PTPRD: variants seen among roughly 807,000 people sequenced by gnomAD.
PTPRD encodes protein tyrosine phosphatase receptor type D, also known as receptor-type tyrosine-protein phosphatase delta.
A neutral mutation model predicts 214.5 loss-of-function variants in PTPRD; 34 were observed. That is an observed-to-expected ratio of 0.16 (90% CI 0.12 to 0.21). PTPRD has a LOEUF of 0.21. Among genes scored for constraint, PTPRD ranks in the 10% least tolerant of loss-of-function variants. PTPRD has a pLI of 1.00. For synonymous variants in PTPRD, 1,128 were observed against 845.7 expected, an observed-to-expected ratio of 1.33 and a Z score of -5.79; for missense variants, 2,545 against 2,398.7, an observed-to-expected ratio of 1.06 and a Z score of -1.27.
intron 14 of PTPRD, among the ~76,000 whole-genome samples, chr9:8,620,364 C>T (rs555963663): frequency 6.6e-6 from 1 of 152,042 alleles, no homozygotes; most frequent in Non-Finnish European, 1.5e-5. Flanking sequence ...AACAAGACAG[C>T]ATGCCGCTCA....
intron 3 of PTPRD, among the ~76,000 whole-genome samples, chr9:10,305,856 G>C (rs1442672289): frequency 1.3e-5 from 2 of 152,084 alleles, no homozygotes; most frequent in African/African-American, 4.8e-5. Context: ...TTGTGGAAGA[G>C]AGTGTGGCGA....
intron 11 of PTPRD, among the ~76,000 whole-genome samples, chr9:8,753,737 A>G (rs955337476): frequency 6.6e-6 from 1 of 152,232 alleles, no homozygotes; most frequent in Non-Finnish European, 1.5e-5. Flanking sequence ...ATAAAACACT[A>G]AAAATGTAAC....
At chr9:10,233,014 T>G (rs2099616932) in intron 3 of PTPRD, among the ~76,000 whole-genome samples, 1 of 152,062 alleles carries the variant, frequency 6.6e-6, no homozygotes, top group Non-Finnish European at 1.5e-5. Context: ...ATCAGGAATG[T>G]GTCAAGGTCG....
At chr9:9,994,883 T>C (rs556594010) in intron 4 of PTPRD, among the ~76,000 whole-genome samples, 3 of 152,140 alleles carry the variant, frequency 2.0e-5, no homozygotes, top group Non-Finnish European at 4.4e-5. Context: ...GCATATTATA[T>C]ATAATGTTAA....
chr9:8,805,781 G>C (rs1347182189), intron 11 of PTPRD, among the ~76,000 whole-genome samples: 1 of 151,334 alleles, frequency 6.6e-6, no homozygotes, highest in Non-Finnish European at 1.5e-5. Flanking sequence ...GGATCATGAG[G>C]TCAGGAGATC....
At chr9:8,591,349 T>C (rs1187959605) in intron 14 of PTPRD, among the ~76,000 whole-genome samples, 3 of 152,162 alleles carry the variant, frequency 2.0e-5, no homozygotes, top group Non-Finnish European at 4.4e-5. Context: ...ATGAAAATCA[T>C]ATTTTGCTCC....
chr9:10,462,975 T>C (rs904127192), intron 2 of PTPRD, among the ~76,000 whole-genome samples: 1 of 149,934 alleles, frequency 6.7e-6, no homozygotes, highest in Non-Finnish European at 1.5e-5. Flanking sequence ...ATATATAATA[T>C]AAAAATATAT....
At chr9:9,629,592 A>T (rs956411640) in intron 7 of PTPRD, among the ~76,000 whole-genome samples, 2 of 152,216 alleles carry the variant, frequency 1.3e-5, no homozygotes, top group East Asian at 1.9e-4. Context: ...CCTGAGGGAC[A>T]GCCTATTCTG....
At chr9:9,238,250 C>T (rs1261768226) in intron 9 of PTPRD, among the ~76,000 whole-genome samples, 1 of 152,002 alleles carries the variant, frequency 6.6e-6, no homozygotes, top group Non-Finnish European at 1.5e-5. Flanking sequence ...TTTGCATTGC[C>T]TAATCTCTTT....
intron 9 of PTPRD, among the ~76,000 whole-genome samples, chr9:9,197,551 C>T (rs965864556): frequency 6.6e-6 from 1 of 152,174 alleles, no homozygotes; most frequent in Admixed American, 6.5e-5. Flanking sequence ...GCTGGGATTA[C>T]AGGCGCGTGC....
chr9:9,944,659 A>G (rs1001858391), intron 4 of PTPRD, among the ~76,000 whole-genome samples: 3 of 152,090 alleles, frequency 2.0e-5, no homozygotes, highest in African/African-American at 7.2e-5. Context: ...GTCTAAGAAG[A>G]GAGCATACAT....
At chr9:9,072,833 T>A (rs2099745733) in intron 10 of PTPRD, among the ~76,000 whole-genome samples, 1 of 152,196 alleles carries the variant, frequency 6.6e-6, no homozygotes, top group African/African-American at 2.4e-5. Context: ...TATATTCCTT[T>A]TTGTCCATAT....
chr9:9,548,104 G>A (rs1308778823), intron 8 of PTPRD, among the ~76,000 whole-genome samples: 1 of 151,800 alleles, frequency 6.6e-6, no homozygotes, highest in East Asian at 1.9e-4. Context: ...AATACAATTT[G>A]TCATCAGCAG....
chr9:9,307,552 C>G (rs1407718345), intron 9 of PTPRD, among the ~76,000 whole-genome samples: 1 of 152,128 alleles, frequency 6.6e-6, no homozygotes, highest in East Asian at 1.9e-4. Flanking sequence ...TATCACTAAT[C>G]TCATGTCTTT....
At chr9:9,001,291 C>T (rs374245470) in intron 11 of PTPRD, among the ~76,000 whole-genome samples, 1 of 151,950 alleles carries the variant, frequency 6.6e-6, no homozygotes, top group Non-Finnish European at 1.5e-5. Flanking sequence ...TTAGCAGGAG[C>T]CTTTGAGCTA....
intron 5 of PTPRD, among the ~76,000 whole-genome samples, chr9:9,834,454 G>A (rs758153490): frequency 4.4e-4 from 67 of 151,988 alleles, no homozygotes; most frequent in Non-Finnish European, 1.3e-4. Flanking sequence ...TAGTGGTCAG[G>A]TGAAGTTTTG....
chr9:9,329,523 A>G lies in PTPRD; in HGVS notation c.-203+67926T>C, dbSNP rs182508177. Reference sequence around the variant, plus strand: ...GTTTAATACAATTACAATTATTGCTATTCTCTGTCTGGATATACAAAAGCC... The same window carrying G: ...GTTTAATACAATTACAATTATTGCTGTTCTCTGTCTGGATATACAAAAGCC... On this transcript the variant is annotated intron_variant, in intron 9 of 45. Transcript: ENST00000381196. Among the ~76,000 whole-genome samples, 118 of 152,322 alleles carry G rather than the reference A, an allele frequency of 7.7e-4. 1 individual carries two copies. Among genetic ancestry groups the G allele is most frequent in the African/African-American group, 2.8e-3 (115 of 41,582 alleles).
chr9:10,425,936 A>G (rs575568070), intron 2 of PTPRD, among the ~76,000 whole-genome samples: 58 of 152,126 alleles, frequency 3.8e-4, no homozygotes, highest in African/African-American at 1.3e-3. Context: ...TAGATCGTAT[A>G]TAGACAATAT....
At chr9:9,824,642 T>A (rs1462789549) in intron 5 of PTPRD, among the ~76,000 whole-genome samples, 1 of 152,054 alleles carries the variant, frequency 6.6e-6, no homozygotes, top group Non-Finnish European at 1.5e-5. Flanking sequence ...TGGAACATAT[T>A]TCAGTTGTAA....
Sources: allele counts gnomAD v4.1 joint callset (sites outside exome capture counted in the v4.1 genomes callset), GRCh38; gene constraint gnomAD v4.1.1; transcripts MANE v1.5; gene names NCBI Gene and HGNC (gene_info 2026-07-23, HGNC 2026-07-21).